The following SIRPB2 variants were observed in gnomAD, a reference collection of about 807,000 sequenced individuals.
The protein encoded by SIRPB2 is signal-regulatory protein beta-2.
Under a neutral mutation model 27.1 loss-of-function variants are expected in SIRPB2, and 18 were observed. That is an observed-to-expected ratio of 0.66 (90% CI 0.46 to 0.98). The LOEUF (loss-of-function observed/expected upper bound fraction) is 0.98. Ranked by LOEUF, SIRPB2 falls within the 50% of genes least tolerant of loss-of-function variation. The probability of loss-of-function intolerance (pLI) is 0.00; values close to 1 mark genes in which losing one functional copy is unlikely to be tolerated. For missense variants in SIRPB2, 420 were observed against 417.4 expected (o/e 1.01, Z -0.06); for synonymous variants, 150 against 164.6 (o/e 0.91, Z 0.68).
chr20:1,486,699 AACAC>A (rs140477377), intron 1 of SIRPB2, among the ~76,000 whole-genome samples: 37 of 151,612 alleles, frequency 2.4e-4, no homozygotes, highest in African/African-American at 9.0e-4. Context: ...TTACTAAACT[AACAC>A]ACACACACAC....
chr20:1,475,854 T>G lies in SIRPB2; in HGVS notation c.*313A>C. 3.7e-6 allele frequency: 1 copy of G among 267,198 alleles called. No individual in the cohort carries two copies. Among genetic ancestry groups the G allele is most frequent in the Non-Finnish European group, 7.1e-6 (1 of 140,246 alleles). The allele number at this position is 267,198 out of a possible 1,614,324, so 16.6% of individuals were successfully genotyped here. A position where few individuals can be genotyped will look rare whatever the true frequency, so the allele number is the denominator to read the frequency against. On this transcript the variant is annotated 3_prime_UTR_variant, in exon 5 of 5. Coordinates refer to ENST00000359801, the MANE Select transcript of SIRPB2 (RefSeq NM_001122962.2). ...TGGATGTTGGAGGCCAAGAAGGATG[T>G]AGCGAGGTGGGGAAAGGGGCAGGGC...
downstream of SIRPB2, chr20:1,473,735 C>T: frequency 2.4e-6 from 1 of 420,876 alleles, no homozygotes; most frequent in South Asian, 1.6e-5. Flanking sequence ...GTGGCAGGGA[C>T]CAGCTCATGC....
intron 1 of SIRPB2, among the ~76,000 whole-genome samples, chr20:1,487,955 A>G (rs1159222253): frequency 6.6e-6 from 1 of 152,256 alleles, no homozygotes; most frequent in African/African-American, 2.4e-5. Flanking sequence ...AATAGATCAT[A>G]TAACTAAACA....
Position 1,476,096 on chromosome 20 carries a change from G to T in SIRPB2, c.*71C>A. The T allele has an allele frequency of 6.4e-7, 1 of 1,555,908 alleles. No individual in the cohort carries two copies. ...TGGGGGCACCTAGAGGCTGGGACTGGAGGTAGGGAAATGGTTGAGGAGCCC... is the reference window on the plus strand; with the variant it reads ...TGGGGGCACCTAGAGGCTGGGACTGTAGGTAGGGAAATGGTTGAGGAGCCC... On this transcript the variant is annotated 3_prime_UTR_variant, in exon 5 of 5. Transcript: ENST00000359801.
chr20:1,475,781 T>TCAGGAAAAAA lies in SIRPB2; in HGVS notation c.*385_*386insTTTTTTCCTG. 5 of 137,434 alleles carry TCAGGAAAAAA rather than the reference T, an allele frequency of 3.6e-5. No individual in the cohort carries two copies. Among genetic ancestry groups the TCAGGAAAAAA allele is most frequent in the South Asian group, 1.8e-4 (1 of 5,616 alleles). The allele number at this position is 137,434 out of a possible 1,614,324, so 8.5% of individuals were successfully genotyped here. A position where few individuals can be genotyped will look rare whatever the true frequency, so the allele number is the denominator to read the frequency against. On this transcript the variant is annotated 3_prime_UTR_variant, in exon 5 of 5. Coordinates refer to ENST00000359801, the MANE Select transcript of SIRPB2 (RefSeq NM_001122962.2). ...GAGGGGCACAGATGGTCTGGCTGGT[T>TCAGGAAAAAA]GAGTTCAGAGATTCTTACAGACATC... is the stretch of plus-strand genomic sequence containing the variant.
In SIRPB2 at chr20:1,474,670, T is replaced by A. The variant is rs1164720945; in HGVS notation, c.*1497A>T. The A allele has an allele frequency of 6.6e-6, 1 of 152,218 alleles. No individual in the cohort carries two copies. The highest frequency in any genetic ancestry group is 1.5e-5 in the Non-Finnish European group (1 of 68,130). The allele number at this position is 152,218 out of a possible 1,614,324, so 9.4% of individuals were successfully genotyped here. A position where few individuals can be genotyped will look rare whatever the true frequency, so the allele number is the denominator to read the frequency against. On this transcript the variant is annotated 3_prime_UTR_variant, in exon 5 of 5. Coordinates refer to ENST00000359801, the MANE Select transcript of SIRPB2 (RefSeq NM_001122962.2). ...CTCACTGCAGCCTCTGCCTCCCAGTTCAAGCGGTTCTCCTGCCCCATCCTC... is the reference window on the plus strand; with the variant it reads ...CTCACTGCAGCCTCTGCCTCCCAGTACAAGCGGTTCTCCTGCCCCATCCTC...
chr20:1,479,847 T>A lies in SIRPB2; in HGVS notation c.304A>T (p.Thr102Ser). ...TAATCACAATTCAGTGGTTCTGATG[T>A]CCGTTGGATCATGGGCATTACCCCA... is the stretch of plus-strand genomic sequence containing the variant. ...FPGVMPMIQR[T>S]SEPLNCDYSI... The change falls in exon 2 of 5, where the codon ACA becomes TCA. Residue 102 changes from threonine (T) to serine (S), a missense_variant. Thr to Ser is a moderately conservative substitution (Grantham distance 58, BLOSUM62 1). Coordinates refer to ENST00000359801, the MANE Select transcript of SIRPB2 (RefSeq NM_001122962.2). 1 of 1,614,236 alleles carries A rather than the reference T, an allele frequency of 6.2e-7. No individual in the cohort carries two copies. The highest frequency in any genetic ancestry group is 8.5e-7 in the Non-Finnish European group (1 of 1,180,050).
intron 1 of SIRPB2, among the ~76,000 whole-genome samples, chr20:1,486,641 T>C (rs1158908783): frequency 6.6e-6 from 1 of 152,154 alleles, no homozygotes; most frequent in Admixed American, 6.5e-5. Context: ...ATCCCTGGAA[T>C]ATAAAGTTGG....
At chr20:1,490,798 A>G (rs902712737) in intron 1 of SIRPB2, among the ~76,000 whole-genome samples, 2 of 152,182 alleles carry the variant, frequency 1.3e-5, no homozygotes, top group African/African-American at 2.4e-5. Context: ...CCCTGTGCTT[A>G]GAAGGAGCCC....
Position 1,491,403 on chromosome 20 carries a change from T to C in SIRPB2, c.-44A>G. Reference sequence around the variant, plus strand: ...CAAGACTTGGGGCTCCTCTGCTCTCTTGTGAGTGTTGGAGTCTGAGGCGGG... The same window carrying C: ...CAAGACTTGGGGCTCCTCTGCTCTCCTGTGAGTGTTGGAGTCTGAGGCGGG... On this transcript the variant is annotated 5_prime_UTR_variant, in exon 1 of 5. Coordinates refer to ENST00000359801, the MANE Select transcript of SIRPB2 (RefSeq NM_001122962.2). 1 of 1,561,266 alleles carries C rather than the reference T, an allele frequency of 6.4e-7. No individual in the cohort carries two copies. Among genetic ancestry groups the C allele is most frequent in the Non-Finnish European group, 8.7e-7 (1 of 1,152,138 alleles).
At chr20:1,488,293 A>G (rs921351131) in intron 1 of SIRPB2, among the ~76,000 whole-genome samples, 5 of 152,228 alleles carry the variant, frequency 3.3e-5, no homozygotes, top group African/African-American at 1.2e-4. Flanking sequence ...TTCACCAAAA[A>G]GGATGCATGA....
chr20:1,478,420 G>A lies in SIRPB2; in HGVS notation c.639C>T (p.Pro213=). ...TGGAGGCCTGCACCGCTGTCTCCTT[G>A]GGGTGGGAGATGCCTCCAAAGTTGT... ...AIYNFGGISH[P]KETAVQASNN... is the part of the protein sequence containing the mutation. The change falls in exon 3 of 5, where the codon CCC becomes CCT. Residue 213 remains proline, a synonymous_variant. Coordinates refer to ENST00000359801, the MANE Select transcript of SIRPB2 (RefSeq NM_001122962.2). 1.2e-6 allele frequency: 2 copies of A among 1,614,064 alleles called. No homozygotes were observed. Among genetic ancestry groups the A allele is most frequent in the South Asian group, 2.2e-5 (2 of 91,072 alleles).
At chr20:1,479,667 G>T in intron 2 of SIRPB2, 33 bp downstream of exon 2, 1 of 1,604,868 alleles carries the variant, frequency 6.2e-7, no homozygotes, top group South Asian at 1.1e-5. Context: ...ACAGACTGGA[G>T]CAAATGTGTG....
At chr20:1,477,070 C>G in intron 4 of SIRPB2, 1 of 1,428,084 alleles carries the variant, frequency 7.0e-7, no homozygotes, top group South Asian at 1.4e-5. Flanking sequence ...TCCCTACACT[C>G]AGAATCACAG....
chr20:1,491,158 C>T (rs2090773259), intron 1 of SIRPB2, 117 bp downstream of exon 1: 2 of 887,388 alleles, frequency 2.3e-6, no homozygotes, highest in South Asian at 1.8e-5. Context: ...TTCAGTGGAC[C>T]CCTCTTTACT....
In SIRPB2 at chr20:1,478,475, T is replaced by C; in HGVS notation, c.584A>G (p.Gln195Arg). The change falls in exon 3 of 5, where the codon CAG (glutamine) becomes CGG (arginine). Residue 195 changes from glutamine to arginine, a missense_variant. By Grantham distance (43) the Gln-to-Arg change is conservative. Coordinates refer to ENST00000359801, the MANE Select transcript of SIRPB2 (RefSeq NM_001122962.2). ...GGCCTCCCGGCTCAGACCAGCTCCCTGGAACCACCTGATGGGTCCAGGGGG... is the reference window on the plus strand; with the variant it reads ...GGCCTCCCGGCTCAGACCAGCTCCCCGGAACCACCTGATGGGTCCAGGGGG... Reference protein sequence around the residue: ...DGPPGPIRWFQGAGLSREAIY... With the variant: ...DGPPGPIRWFRGAGLSREAIY... 2 of 1,614,180 alleles carry C rather than the reference T, an allele frequency of 1.2e-6. No individual in the cohort carries two copies. Among genetic ancestry groups the C allele is most frequent in the Non-Finnish European group, 1.7e-6 (2 of 1,180,038 alleles).
At position 1,476,662 on chromosome 20, in the gene SIRPB2, A is replaced by T. The variant is rs1001104288; in HGVS notation, c.860-326T>A. The T allele has an allele frequency of 1.9e-5, 19 of 1,015,026 alleles. No individual in the cohort carries two copies. In the African/African-American group the frequency reaches 2.7e-4, roughly 15 times the overall value. The allele number at this position is 1,015,026 out of a possible 1,614,324, so 62.9% of individuals were successfully genotyped here. A position where few individuals can be genotyped will look rare whatever the true frequency, so the allele number is the denominator to read the frequency against. The stretch of plus-strand genomic sequence containing the variant: ...TTTATAGATAAGGAGACAGACCCAG[A>T]GTGGGGAAATGATTTTCTCAGGGCC... On this transcript the variant is annotated intron_variant, in intron 4 of 4. Transcript: ENST00000359801.
rs1023816793 is a variant in SIRPB2, at chr20:1,476,690, A to G, written c.860-354T>C. 2.9e-6 allele frequency: 3 copies of G among 1,051,988 alleles called. No homozygotes were observed. In the South Asian group the frequency reaches 9.9e-5, roughly 35 times the overall value. 65.2% of individuals were successfully genotyped at this position (1,051,988 alleles called of 1,614,324 possible). A position where few individuals can be genotyped will look rare whatever the true frequency, so the allele number is the denominator to read the frequency against. On this transcript the variant is annotated intron_variant, in intron 4 of 4. Transcript: ENST00000359801. ...GGGGAAATGATTTTCTCAGGGCCAC[A>G]TGTGTTAAAGAAGTCACGGGACCCA... is the stretch of plus-strand genomic sequence containing the variant.
chr20:1,480,006 G>T lies in SIRPB2; in HGVS notation c.145C>A (p.Leu49Met). The change falls in exon 2 of 5, where the codon CTG becomes ATG. Residue 49 changes from leucine (L) to methionine (M), a missense_variant. By Grantham distance (15) the Leu-to-Met change is conservative. Transcript: ENST00000359801. The stretch of plus-strand genomic sequence containing the variant: ...AGAAGTGTCTCACCTTCTGCCACCA[G>T]CATGGGGCCCTCGGGCTGTAGCACC... ...WQVLQPEGPM[L>M]VAEGETLLLR... 6.2e-7 allele frequency: 1 copy of T among 1,614,038 alleles called. No homozygotes were observed. The highest frequency in any genetic ancestry group is 8.5e-7 in the Non-Finnish European group (1 of 1,180,030).
Sources: allele counts gnomAD v4.1 joint callset (sites outside exome capture counted in the v4.1 genomes callset), GRCh38; gene constraint gnomAD v4.1.1; transcripts MANE v1.5; gene names NCBI Gene and HGNC (gene_info 2026-07-23, HGNC 2026-07-21).